The following ABCD4 variants were observed in gnomAD, a reference collection of about 807,000 sequenced individuals.
ABCD4 encodes the protein ATP binding cassette subfamily D member 4.
In ABCD4, 53 loss-of-function variants were observed where a neutral mutation model predicts 86.3. That is an observed-to-expected ratio of 0.61 (90% CI 0.49 to 0.77). The LOEUF is 0.77. Ranked by LOEUF, ABCD4 falls within the 30% of genes least tolerant of loss-of-function variation. The pLI, the probability that ABCD4 is intolerant of heterozygous loss-of-function variation, is 0.00. For synonymous variants in ABCD4, 328 were observed against 313.6 expected (o/e 1.05, Z -0.49); for missense variants, 757 against 764.5 (o/e 0.99, Z 0.12).
In ABCD4 at chr14:74,299,601, C is replaced by T; in HGVS notation, c.232G>A (p.Gly78Arg). ...GCCAGGAATGTCAGAGTCTTAAACC[C>T]TTCCAAGTCTTTGTTTCCCAGGACC... ...YGVLGNKDLE[G>R]FKTLTFLAVM... Residue 78 changes from glycine (G) to arginine (R), a missense_variant, in exon 3 of 19, where the codon GGG (glycine) becomes AGG (arginine). Transcript: ENST00000356924. The T allele has an allele frequency of 6.2e-7, 1 of 1,613,976 alleles. No individual in the cohort carries two copies. The highest frequency in any genetic ancestry group is 8.5e-7 in the Non-Finnish European group (1 of 1,179,918).
rs1233492322 is a variant in ABCD4, at chr14:74,286,553, G to A, written c.1753-24C>T. 5 of 1,614,210 alleles carry A rather than the reference G, an allele frequency of 3.1e-6. No individual in the cohort carries two copies. In the Admixed American group the frequency reaches 6.7e-5, roughly 22 times the overall value. The stretch of plus-strand genomic sequence containing the variant: ...AACTACAAGAGACCACCACCACATG[G>A]AGATCAGGCTGCCCTGGCCGCTGGC... On this transcript the variant is annotated intron_variant, in intron 18 of 18. Coordinates refer to ENST00000356924, the MANE Select transcript of ABCD4 (RefSeq NM_005050.4).
In ABCD4 at chr14:74,287,566, A is replaced by AAAAAG. The variant is rs796699851; in HGVS notation, c.1636+239_1636+243dup. On this transcript the variant is annotated intron_variant, in intron 17 of 18. Coordinates refer to ENST00000356924, the MANE Select transcript of ABCD4 (RefSeq NM_005050.4). ...GAGACTGTCTCAAAAAAAAAAAAAAAAAAAGAAAAGAAAAAAGAAAACAGA... is the reference window on the plus strand; with the variant it reads ...GAGACTGTCTCAAAAAAAAAAAAAAAAAAAGAAAAGAAAAGAAAAAAGAAAACAGA... Among the ~76,000 whole-genome samples, 5,180 of 147,806 alleles carry AAAAAG rather than the reference A, an allele frequency of 0.035. 392 individuals carry two copies. Among genetic ancestry groups the AAAAAG allele is most frequent in the African/African-American group, 0.13 (4,943 of 37,712 alleles).
In ABCD4 at chr14:74,289,535, A is replaced by T. The variant is rs761406610; in HGVS notation, c.1420-16T>A. The T allele has an allele frequency of 4.3e-6, 7 of 1,613,082 alleles. No homozygotes were observed. The highest frequency in any genetic ancestry group is 2.2e-5 in the South Asian group (2 of 90,922). On this transcript the variant is annotated splice_polypyrimidine_tract_variant and intron_variant, in intron 13 of 18. Coordinates refer to ENST00000356924, the MANE Select transcript of ABCD4 (RefSeq NM_005050.4). ...GATATATCACCTGAGAAAAGAAAAA[A>T]ACCACACCAACCTAGGAGGGCGAGC... is the stretch of plus-strand genomic sequence containing the variant.
Position 74,288,698 on chromosome 14 carries a change from G to T in ABCD4, c.1506+18C>A. On this transcript the variant is annotated intron_variant, in intron 15 of 18. Coordinates refer to ENST00000356924, the MANE Select transcript of ABCD4 (RefSeq NM_005050.4). ...TCCCAGGTGGGCTCGGGTCCTGAGG[G>T]TCCCTCTCCCCACTTACCAGGCCTG... 1 of 1,612,620 alleles carries T rather than the reference G, an allele frequency of 6.2e-7. No homozygotes were observed. The highest frequency in any genetic ancestry group is 8.5e-7 in the Non-Finnish European group (1 of 1,179,456).
intron 1 of ABCD4, among the ~76,000 whole-genome samples, chr14:74,301,521 G>C (rs1595112006): frequency 6.6e-6 from 1 of 152,162 alleles, no homozygotes; most frequent in East Asian, 1.9e-4. Context: ...AATCCACAGA[G>C]AAGTGGGAAG....
intron 16 of ABCD4, 139 bp downstream of exon 16, chr14:74,288,068 G>A: frequency 9.0e-7 from 1 of 1,111,516 alleles, no homozygotes; most frequent in Non-Finnish European, 1.3e-6. Flanking sequence ...CTGTTCCCAA[G>A]GGCATAAACT....
chr14:74,299,624 A>T lies in ABCD4; in HGVS notation c.209T>A (p.Val70Asp). The T allele has an allele frequency of 8.7e-6, 14 of 1,613,804 alleles. No homozygotes were observed. The highest frequency in any genetic ancestry group is 1.6e-4 in the Middle Eastern group (1 of 6,062). The change falls in exon 3 of 19, where the codon GTC becomes GAC. Residue 70 changes from valine (V) to aspartate (D), a missense_variant. Transcript: ENST00000356924. ...CCCTTCCAAGTCTTTGTTTCCCAGG[A>T]CCCCATAGTACTGACTGGGGATCAA... ...VGLIPSQYYGVLGNKDLEGFK... is the reference protein window; with the variant it reads ...VGLIPSQYYGDLGNKDLEGFK...
chr14:74,300,220 C>T lies in ABCD4; in HGVS notation c.87G>A (p.Lys29=), dbSNP rs1183956151. 6.2e-7 allele frequency: 1 copy of T among 1,613,700 alleles called. No individual in the cohort carries two copies. The highest frequency in any genetic ancestry group is 2.2e-5 in the East Asian group (1 of 44,890). The change falls in exon 2 of 19, where the codon AAG becomes AAA. Residue 29 remains lysine, a synonymous_variant. Coordinates refer to ENST00000356924, the MANE Select transcript of ABCD4 (RefSeq NM_005050.4). Reference sequence around the variant, plus strand: ...GTGATGACCAAGAAGGAAACAAAACCTTCAGTATCTGCAGGAACCGCTGGA... The same window carrying T: ...GTGATGACCAAGAAGGAAACAAAACTTTCAGTATCTGCAGGAACCGCTGGA... ...QFLQRFLQIL[K]VLFPSWSSQN... is the part of the protein sequence containing the mutation.
At position 74,297,956 on chromosome 14, in the gene ABCD4, GTTGA is replaced by G; in HGVS notation, c.395_398del (p.Leu132ProfsTer56). The G allele has an allele frequency of 6.2e-7, 1 of 1,613,814 alleles. No individual in the cohort carries two copies. The highest frequency in any genetic ancestry group is 8.5e-7 in the Non-Finnish European group (1 of 1,179,922). On this transcript the variant is annotated frameshift_variant, in exon 4 of 19. Coordinates refer to ENST00000356924, the MANE Select transcript of ABCD4 (RefSeq NM_005050.4). LOFTEE classifies it high-confidence loss of function. ...GGTTATCGATGTCATCCCGCAGCAC[GTTGA>G]GGGTGTAGTACGCACGGCCCCGGAA...
At position 74,286,701 on chromosome 14, in the gene ABCD4, C is replaced by CT; in HGVS notation, c.1751dup (p.Phe585ValfsTer47). On this transcript the variant is annotated frameshift_variant and splice_region_variant, in exon 18 of 19. Transcript: ENST00000356924. LOFTEE classifies it high-confidence loss of function. Reference sequence around the variant, plus strand: ...AGGCCATCCTTGTGAGCACGGGTACCTTCTCAAGGCTCTGCCGATGTCCCA... The same window carrying CT: ...AGGCCATCCTTGTGAGCACGGGTACCTTTCTCAAGGCTCTGCCGATGTCCCA... The CT allele has an allele frequency of 1.2e-6, 2 of 1,614,094 alleles. No homozygotes were observed. The highest frequency in any genetic ancestry group is 1.7e-6 in the Non-Finnish European group (2 of 1,180,036).
intron 17 of ABCD4, 39 bp from the exon 18 acceptor site, chr14:74,286,855 G>T: frequency 6.4e-7 from 1 of 1,573,836 alleles, no homozygotes; most frequent in South Asian, 1.1e-5. Context: ...TCAAAGCCCT[G>T]CCCTCTGCCG....
At chr14:74,291,640 T>C (rs1402053534) in intron 11 of ABCD4, among the ~76,000 whole-genome samples, 2 of 152,326 alleles carry the variant, frequency 1.3e-5, no homozygotes, top group Admixed American at 1.3e-4. Flanking sequence ...AGCTTTCATT[T>C]GGAACAGAAG....
At position 74,290,490 on chromosome 14, in the gene ABCD4, C is replaced by A; in HGVS notation, c.1128G>T (p.Gly376=). 1 of 1,613,114 alleles carries A rather than the reference C, an allele frequency of 6.2e-7. No homozygotes were observed. Among genetic ancestry groups the A allele is most frequent in the African/African-American group, 1.3e-5 (1 of 74,964 alleles). The change falls in exon 12 of 19, where the codon GGG becomes GGT. Residue 376 remains glycine (G), a synonymous_variant. Transcript: ENST00000356924. ...ESEWGLDTPP[G]WPAAEPADTA... ...TGTCTGCTGGCTCTGCCGCTGGCCACCCTGGGGGTCTGTGTCAGAGAAGAG... is the reference window on the plus strand; with the variant it reads ...TGTCTGCTGGCTCTGCCGCTGGCCAACCTGGGGGTCTGTGTCAGAGAAGAG...
chr14:74,299,845 T>C (rs1039792762), intron 2 of ABCD4, 170 bp from the exon 3 acceptor site: 5 of 621,314 alleles, frequency 8.0e-6, no homozygotes, highest in Admixed American at 5.9e-5. Context: ...GTGTATCACC[T>C]GAGGTCATGA....
chr14:74,302,904 G>T lies in ABCD4; in HGVS notation c.9C>A (p.Val3=). Residue 3 remains valine (V), a synonymous_variant, in exon 1 of 19, where the codon GTC becomes GTA. Coordinates refer to ENST00000356924, the MANE Select transcript of ABCD4 (RefSeq NM_005050.4). ...CGCCAGCTCCGGGCGCGGGCCCCGCGACCGCCATGACCTGAGACCCGAGGG... is the reference window on the plus strand; with the variant it reads ...CGCCAGCTCCGGGCGCGGGCCCCGCTACCGCCATGACCTGAGACCCGAGGG... MA[V]AGPAPGAGAR... The T allele has an allele frequency of 6.2e-7, 1 of 1,607,280 alleles. No homozygotes were observed. Among genetic ancestry groups the T allele is most frequent in the Non-Finnish European group, 8.5e-7 (1 of 1,177,262 alleles).
At chr14:74,291,048 C>T (rs2081359254) in intron 11 of ABCD4, among the ~76,000 whole-genome samples, 1 of 151,988 alleles carries the variant, frequency 6.6e-6, no homozygotes, top group Admixed American at 6.6e-5. Context: ...TGACTGGTGT[C>T]CTCTTAAGAT....
chr14:74,296,218 C>T (rs1039236351), intron 5 of ABCD4, 115 bp downstream of exon 5: 147 of 1,187,406 alleles, frequency 1.2e-4, no homozygotes, highest in African/African-American at 2.0e-4. Context: ...TGGGTGAGCA[C>T]GTGGTAAGGT....
At chr14:74,297,396 TGAGTCCTG>T (rs1566985947) in intron 4 of ABCD4, 1 of 152,186 alleles carries the variant, frequency 6.6e-6, no homozygotes, top group African/African-American at 2.4e-5. Context: ...AATCCTAGAC[TGAGTCCTG>T]GATAGTGGTA....
At chr14:74,290,758 C>T (rs2081288380) in intron 11 of ABCD4, among the ~76,000 whole-genome samples, 3 of 142,638 alleles carry the variant, frequency 2.1e-5, no homozygotes, top group African/African-American at 7.8e-5. Context: ...TATCTCAGCT[C>T]ACTGCAACCT....
Sources: allele counts gnomAD v4.1 joint callset (sites outside exome capture counted in the v4.1 genomes callset), GRCh38; gene constraint gnomAD v4.1.1; transcripts MANE v1.5; gene names NCBI Gene and HGNC (gene_info 2026-07-23, HGNC 2026-07-21).